The following MARCHF1 variants were observed in gnomAD, a reference collection of about 807,000 sequenced individuals.
The protein encoded by MARCHF1 is membrane associated ring-CH-type finger 1.
In MARCHF1, 40 loss-of-function variants were observed where a neutral mutation model predicts 54.2. The ratio of observed to expected loss-of-function variants is 0.74; its 90% CI spans 0.57 to 0.96. MARCHF1 has a LOEUF of 0.96. MARCHF1 is among the 40% of genes least tolerant of loss of function. MARCHF1 has a pLI of 0.00. For synonymous variants in MARCHF1, 236 were observed against 236.3 expected (o/e 1.00, Z 0.01); for missense variants, 586 against 656.5 (o/e 0.89, Z 1.17).
chr4:164,290,536 T>A (rs924055976), intron 1 of MARCHF1, among the ~76,000 whole-genome samples: 2 of 151,750 alleles, frequency 1.3e-5, no homozygotes, highest in East Asian at 1.9e-4. Flanking sequence ...GAGAAAAAAA[T>A]TGTTTCAGAA....
intron 1 of MARCHF1, chr4:164,329,823 T>C (rs1281780044): frequency 1.3e-5 from 2 of 152,308 alleles, no homozygotes; most frequent in Non-Finnish European, 2.9e-5. Flanking sequence ...ACCAAGGAGA[T>C]GGCCCAAGCC....
intron 2 of MARCHF1, among the ~76,000 whole-genome samples, chr4:164,022,898 C>T (rs765357049): frequency 2.0e-4 from 30 of 152,216 alleles, no homozygotes; most frequent in Admixed American, 4.6e-4. Context: ...GCCTCCACTG[C>T]CTAGCCTGGG....
At chr4:163,626,503 T>G (rs1741876316) in intron 5 of MARCHF1, among the ~76,000 whole-genome samples, 1 of 152,246 alleles carries the variant, frequency 6.6e-6, no homozygotes. Flanking sequence ...AATTATACTC[T>G]GTAAAGAATG....
chr4:163,701,543 TG>T (rs1310262570), intron 4 of MARCHF1, among the ~76,000 whole-genome samples: 1 of 152,192 alleles, frequency 6.6e-6, no homozygotes, highest in Non-Finnish European at 1.5e-5. Flanking sequence ...AAAGTAGAAA[TG>T]GACCTTAAGT....
chr4:164,260,008 A>G (rs1326500307), intron 1 of MARCHF1, among the ~76,000 whole-genome samples: 1 of 152,202 alleles, frequency 6.6e-6, no homozygotes, highest in Non-Finnish European at 1.5e-5. Flanking sequence ...GATAGTTTTC[A>G]TATATCTCCA....
intron 1 of MARCHF1, among the ~76,000 whole-genome samples, chr4:164,169,108 G>T (rs1239600314): frequency 3.9e-5 from 6 of 152,024 alleles, no homozygotes; most frequent in Admixed American, 3.9e-4. Flanking sequence ...CACAAAAAAA[G>T]TAACTATGTG....
intron 2 of MARCHF1, among the ~76,000 whole-genome samples, chr4:164,083,714 T>C (rs894032898): frequency 5.9e-5 from 9 of 152,114 alleles, no homozygotes; most frequent in African/African-American, 1.9e-4. Context: ...TTTTGTGTGA[T>C]CTCAGTGCTG....
At chr4:163,933,902 T>C (rs1378577687) in intron 3 of MARCHF1, among the ~76,000 whole-genome samples, 1 of 152,200 alleles carries the variant, frequency 6.6e-6, no homozygotes, top group Non-Finnish European at 1.5e-5. Flanking sequence ...CCCTTCCCAA[T>C]AAAAATTCAC....
chr4:164,179,266 C>G (rs1579599499), intron 1 of MARCHF1, among the ~76,000 whole-genome samples: 1 of 152,116 alleles, frequency 6.6e-6, no homozygotes, highest in Non-Finnish European at 1.5e-5. Flanking sequence ...TACACCAGTA[C>G]AGGATTCTGC....
chr4:164,029,781 G>T (rs758413598), intron 2 of MARCHF1, among the ~76,000 whole-genome samples: 2 of 152,056 alleles, frequency 1.3e-5, no homozygotes, highest in South Asian at 2.1e-4. Context: ...TTTAAGTAGA[G>T]ACAGCGTTTC....
rs1380582249 is a variant in MARCHF1 at position 164,189,634 on chromosome 4, C to G, written c.-322-77972G>C. The stretch of plus-strand genomic sequence containing the variant: ...TGACCTGGTAGTGCTTGATGTATGT[C>G]CCCTTACATTTGGTATTGAAACTGT... On this transcript the variant is annotated intron_variant, in intron 1 of 9. Coordinates refer to ENST00000514618, the MANE Select transcript of MARCHF1 (RefSeq NM_001394959.1). The G allele has an allele frequency of 1.5e-4, 137 of 916,242 alleles. 1 individual carries two copies. Among genetic ancestry groups the G allele is most frequent in the Middle Eastern group, 2.1e-4 (1 of 4,728 alleles). The allele number at this position is 916,242 out of a possible 1,614,324, so 56.8% of individuals were successfully genotyped here. A position where few individuals can be genotyped will look rare whatever the true frequency, so the allele number is the denominator to read the frequency against.
intron 9 of MARCHF1, among the ~76,000 whole-genome samples, chr4:163,535,195 G>GA (rs1409099566): frequency 7.3e-5 from 11 of 151,030 alleles, no homozygotes; most frequent in South Asian, 4.2e-4. Flanking sequence ...TTCATTTTTG[G>GA]AAAAAAAATT....
intron 4 of MARCHF1, among the ~76,000 whole-genome samples, chr4:163,782,066 G>T (rs570019271): frequency 6.6e-6 from 1 of 151,908 alleles, no homozygotes; most frequent in Non-Finnish European, 1.5e-5. Flanking sequence ...TCAGTAACAG[G>T]TTCCCTCATA....
chr4:164,253,720 A>G (rs533272094), intron 1 of MARCHF1, among the ~76,000 whole-genome samples: 1 of 152,300 alleles, frequency 6.6e-6, no homozygotes, highest in South Asian at 2.1e-4. Flanking sequence ...ATGAAAATAT[A>G]TACACAAATG....
intron 2 of MARCHF1, among the ~76,000 whole-genome samples, chr4:163,997,237 A>G (rs912945861): frequency 4.6e-5 from 7 of 152,026 alleles, no homozygotes; most frequent in African/African-American, 1.7e-4. Flanking sequence ...GTTACCCTAC[A>G]TGTTGGTTAC....
At position 163,873,281 on chromosome 4, in the gene MARCHF1, G is replaced by A. The variant is rs1273084250; in HGVS notation, c.-38-19112C>T. On this transcript the variant is annotated intron_variant, in intron 3 of 9. Coordinates refer to ENST00000514618, the MANE Select transcript of MARCHF1 (RefSeq NM_001394959.1). ...TACTGGCACTGTTGATTAGGCTGTG[G>A]GGACAGAGGACCAAGTTTAAGTATT... Among the ~76,000 whole-genome samples, 4 of 152,124 alleles carry A rather than the reference G, an allele frequency of 2.6e-5. No homozygotes were observed. The East Asian group carries it at 7.7e-4, about 29-fold the overall frequency.
At chr4:164,076,342 C>G (rs565357714) in intron 2 of MARCHF1, among the ~76,000 whole-genome samples, 1 of 152,078 alleles carries the variant, frequency 6.6e-6, no homozygotes, top group Non-Finnish European at 1.5e-5. Flanking sequence ...ATTCAACAAA[C>G]CTTCATGCTA....
intron 2 of MARCHF1, among the ~76,000 whole-genome samples, chr4:164,035,910 G>A (rs1185397779): frequency 5.1e-5 from 7 of 137,254 alleles, no homozygotes; most frequent in South Asian, 2.3e-4. Context: ...GTGAAACCTC[G>A]TCTCTACTAA....
chr4:163,713,463 G>A (rs1314417060), intron 4 of MARCHF1, among the ~76,000 whole-genome samples: 3 of 152,142 alleles, frequency 2.0e-5, no homozygotes, highest in Non-Finnish European at 4.4e-5. Context: ...TAATAGTACA[G>A]TCCTCTCAAT....
Sources: gnomAD v4.1 joint callset for allele counts (sites outside exome capture counted in the v4.1 genomes callset) on GRCh38, gnomAD v4.1.1 for gene constraint, MANE v1.5 for transcripts, NCBI Gene and HGNC (gene_info 2026-07-23, HGNC 2026-07-21) for gene names.